Variants in TRPM8 observed in about 807,000 individuals in gnomAD.
TRPM8 encodes TRPM8 cationic channel.
TRPM8 carries 110 observed loss-of-function variants against 133.7 expected under a neutral mutation model. The ratio of observed to expected loss-of-function variants is 0.82; its 90% CI spans 0.70 to 0.96. The LOEUF is 0.96. Among genes scored for constraint, TRPM8 ranks in the 40% least tolerant of loss-of-function variants. TRPM8 has a pLI of 0.00. For synonymous variants in TRPM8, 535 were observed against 532.3 expected, an observed-to-expected ratio of 1.01 and a Z score of -0.07; for missense variants, 1,291 against 1,379.5, an observed-to-expected ratio of 0.94 and a Z score of 1.02.
chr2:233,931,338 A>G (rs964664045), intron 3 of TRPM8, among the ~76,000 whole-genome samples: 7 of 152,130 alleles, frequency 4.6e-5, no homozygotes, highest in Non-Finnish European at 7.4e-5. Flanking sequence ...TAATTAAACA[A>G]TTTTCGTCCT....
In TRPM8 at chr2:233,953,950, A is replaced by T; in HGVS notation, c.1174A>T (p.Thr392Ser). 2 of 1,614,036 alleles carry T rather than the reference A, an allele frequency of 1.2e-6. No individual in the cohort carries two copies. Among genetic ancestry groups the T allele is most frequent in the Non-Finnish European group, 1.7e-6 (2 of 1,179,934 alleles). The change falls in exon 10 of 26, where the codon ACA becomes TCA. Residue 392 changes from threonine to serine, a missense_variant. Thr to Ser is a moderately conservative substitution (Grantham distance 58). Transcript: ENST00000324695. ...AATTCTCGAATGTTCTCACCTATTA[A>T]CAGTTATTAAAATGGAAGAAGCTGG... Reference protein sequence around the residue: ...KEILECSHLLTVIKMEEAGDE... With the variant: ...KEILECSHLLSVIKMEEAGDE...
intron 22 of TRPM8, among the ~76,000 whole-genome samples, chr2:234,004,637 C>T (rs1692648877): frequency 6.6e-6 from 1 of 152,158 alleles, no homozygotes; most frequent in Non-Finnish European, 1.5e-5. Flanking sequence ...AAAATGTATG[C>T]TACACAGTAA....
chr2:234,008,529 C>T (rs1692753895), intron 24 of TRPM8, among the ~76,000 whole-genome samples: 2 of 152,356 alleles, frequency 1.3e-5, no homozygotes, highest in South Asian at 4.1e-4. Context: ...CGCATATGAA[C>T]ACCAGGCATA....
intron 12 of TRPM8, among the ~76,000 whole-genome samples, chr2:233,962,813 A>C (rs1472794431): frequency 6.6e-6 from 1 of 152,232 alleles, no homozygotes; most frequent in Non-Finnish European, 1.5e-5. Flanking sequence ...AGAATGGTGA[A>C]TAGGAGCTGG....
intron 11 of TRPM8, among the ~76,000 whole-genome samples, chr2:233,959,287 A>C (rs931100654): frequency 6.6e-6 from 1 of 150,598 alleles, no homozygotes; most frequent in Non-Finnish European, 1.5e-5. Context: ...CAGCCTCCCA[A>C]AGTGCTGGGA....
At chr2:233,988,275 C>G (rs1238497051) in intron 21 of TRPM8, among the ~76,000 whole-genome samples, 2 of 151,982 alleles carry the variant, frequency 1.3e-5, no homozygotes, top group African/African-American at 4.8e-5. Context: ...TCTTCCTGCC[C>G]AGTTTCTGCT....
intron 20 of TRPM8, 164 bp downstream of exon 20, chr2:233,983,388 T>G (rs573786108): frequency 1.4e-6 from 1 of 735,478 alleles, no homozygotes; most frequent in Admixed American, 2.4e-5. Context: ...TCTTTGCTCT[T>G]AAGCAAGATT....
chr2:233,948,975 A>G (rs1691109463), intron 8 of TRPM8, among the ~76,000 whole-genome samples: 1 of 152,230 alleles, frequency 6.6e-6, no homozygotes, highest in Non-Finnish European at 1.5e-5. Flanking sequence ...TGGAGGTTGC[A>G]GTGAGCCGAG....
At chr2:233,920,683 T>C (rs986760526) in intron 1 of TRPM8, among the ~76,000 whole-genome samples, 5 of 152,188 alleles carry the variant, frequency 3.3e-5, no homozygotes, top group African/African-American at 1.2e-4. Flanking sequence ...TTTAACTTAT[T>C]ATTTTGAGAT....
chr2:233,975,936 A>T (rs1045362609), intron 17 of TRPM8, among the ~76,000 whole-genome samples: 1 of 152,076 alleles, frequency 6.6e-6, no homozygotes. Context: ...AAACACACAC[A>T]CAAAAACCCA....
chr2:233,996,186 G>A (rs1007049761), intron 21 of TRPM8, 140 bp from the exon 22 acceptor site: 60 of 603,126 alleles, frequency 9.9e-5, no homozygotes, highest in Non-Finnish European at 1.3e-4. Flanking sequence ...ATTTTGGCTC[G>A]TGTATCACTC....
Position 233,996,625 on chromosome 2 carries a change from G to C in TRPM8, c.3130+109G>C. On this transcript the variant is annotated intron_variant, in intron 22 of 25. Coordinates refer to ENST00000324695, the MANE Select transcript of TRPM8 (RefSeq NM_024080.5). ...AGGAATTATTCACAGATCTTTCACT[G>C]TTCACATCTGTACATCTGTAAAGAT... 13 of 1,003,058 alleles carry C rather than the reference G, an allele frequency of 1.3e-5. No homozygotes were observed. The South Asian group carries it at 1.8e-4, about 14-fold the overall frequency. The allele number at this position is 1,003,058 out of a possible 1,614,324, so 62.1% of individuals were successfully genotyped here.
intron 17 of TRPM8, among the ~76,000 whole-genome samples, chr2:233,976,394 T>A (rs1230935856): frequency 6.6e-6 from 1 of 152,118 alleles, no homozygotes; most frequent in African/African-American, 2.4e-5. Flanking sequence ...TACATTTTCC[T>A]TGGAGAAAGG....
Position 233,971,599 on chromosome 2 carries a change from G to A in TRPM8, c.2355+1173G>A, listed in dbSNP as rs760754848. Among the ~76,000 whole-genome samples the A allele has an allele frequency of 6.9e-4, 105 of 152,224 alleles. 1 individual carries two copies. The highest frequency in any genetic ancestry group is 1.2e-3 in the Non-Finnish European group (79 of 68,008). ...TCTCACTAACTTCAAGAATGAAGCC[G>A]CGGACCCTTGCGGTGAGTGTTACAG... On this transcript the variant is annotated intron_variant, in intron 17 of 25. Transcript: ENST00000324695.
chr2:233,986,989 C>T (rs867442186), intron 21 of TRPM8, among the ~76,000 whole-genome samples: 2 of 152,182 alleles, frequency 1.3e-5, no homozygotes, highest in South Asian at 2.1e-4. Context: ...GGGAAATGGA[C>T]ATTGCTACTG....
intron 21 of TRPM8, 119 bp downstream of exon 21, chr2:233,985,984 T>G: frequency 2.1e-6 from 2 of 962,782 alleles, no homozygotes; most frequent in Non-Finnish European, 3.1e-6. Flanking sequence ...AGAGATCTTT[T>G]GGGGGATTGG....
rs1691064139 is a variant in TRPM8 at position 233,947,157 on chromosome 2, T to TGA, written c.942+4_942+5dup. The TGA allele has an allele frequency of 6.2e-7, 1 of 1,613,850 alleles. No individual in the cohort carries two copies. The highest frequency in any genetic ancestry group is 1.7e-5 in the Admixed American group (1 of 60,002). On this transcript the variant is annotated splice_region_variant and intron_variant, in intron 8 of 25. Transcript: ENST00000324695. Reference sequence around the variant, plus strand: ...GGAGGTGGAAAAGAGACTTTGAAAGTGAGTCCTGATTTAGTTTTCTAGAAG... The same window carrying TGA: ...GGAGGTGGAAAAGAGACTTTGAAAGTGAGAGTCCTGATTTAGTTTTCTAGAAG...
chr2:233,960,868 G>C lies in TRPM8; in HGVS notation c.1455G>C (p.Arg485=). The C allele has an allele frequency of 6.2e-7, 1 of 1,614,156 alleles. No individual in the cohort carries two copies. The highest frequency in any genetic ancestry group is 8.5e-7 in the Non-Finnish European group (1 of 1,180,038). ...TTCTGGAGAATGGCTTGAACCTACG[G>C]AAGTTTCTCACCCATGATGTCCTCA... ...RLFLENGLNL[R]KFLTHDVLTE... Residue 485 remains arginine, a synonymous_variant, in exon 12 of 26, where the codon CGG becomes CGC. Coordinates refer to ENST00000324695, the MANE Select transcript of TRPM8 (RefSeq NM_024080.5).
intron 25 of TRPM8, among the ~76,000 whole-genome samples, chr2:234,016,117 C>A (rs1198531007): frequency 6.6e-6 from 1 of 152,072 alleles, no homozygotes; most frequent in Non-Finnish European, 1.5e-5. Context: ...TTTCTTTAAC[C>A]TTAAACTTTT....
Sources: allele counts gnomAD v4.1 joint callset (sites outside exome capture counted in the v4.1 genomes callset), GRCh38; gene constraint gnomAD v4.1.1; transcripts MANE v1.5; gene names NCBI Gene and HGNC (gene_info 2026-07-23, HGNC 2026-07-21).